GPC3: variants seen among roughly 807,000 people sequenced by gnomAD.
The protein encoded by GPC3 is glypican 3, also known as glypican-3.
GPC3 carries 3 observed loss-of-function variants against 34.4 expected under a neutral mutation model. The ratio of observed to expected loss-of-function variants is 0.09; its 90% CI spans 0.04 to 0.23. The LOEUF (loss-of-function observed/expected upper bound fraction) is 0.23. Ranked by LOEUF, GPC3 falls within the 10% of genes least tolerant of loss-of-function variation. GPC3 has a pLI of 1.00. For missense variants in GPC3, 351 were observed against 445.6 expected (o/e 0.79, Z 1.91); for synonymous variants, 177 against 174.0 (o/e 1.02, Z -0.13).
At chrX:133,635,088 A>T (rs1176246815) in intron 6 of GPC3, among the ~76,000 whole-genome samples, 1 of 111,516 alleles carries the variant, frequency 9.0e-6, no homozygotes, top group Non-Finnish European at 1.9e-5. Context: ...ACACTTTTTA[A>T]AATGAAATTC....
intron 2 of GPC3, among the ~76,000 whole-genome samples, chrX:133,925,935 T>C (rs2076272965): frequency 9.0e-6 from 1 of 111,259 alleles, no homozygotes; most frequent in Non-Finnish European, 1.9e-5. Flanking sequence ...ACATAAGAAC[T>C]AGCAACTAAA....
At chrX:133,699,865 T>C (rs1304536174) in intron 4 of GPC3, 30 bp downstream of exon 4, 3 of 1,170,024 alleles carry the variant, frequency 2.6e-6, no homozygotes, top group Non-Finnish European at 3.5e-6. Context: ...TTAATTGTAT[T>C]GTGGAATAAA....
At chrX:133,933,623 C>G (rs1175387443) in intron 2 of GPC3, among the ~76,000 whole-genome samples, 1 of 110,434 alleles carries the variant, frequency 9.1e-6, no homozygotes, top group South Asian at 3.9e-4. Flanking sequence ...TCCCTCATGG[C>G]TTGGTGCTGT....
chrX:133,655,500 A>C lies in GPC3; in HGVS notation c.1413+6230T>G, dbSNP rs754176500. Reference sequence around the variant, plus strand: ...CCCACACACACACACACACACACACACACACCCACACACACACACACACAC... The same window carrying C: ...CCCACACACACACACACACACACACCCACACCCACACACACACACACACAC... On this transcript the variant is annotated intron_variant, in intron 6 of 7. Transcript: ENST00000370818. Among the ~76,000 whole-genome samples, 209 of 107,415 alleles carry C rather than the reference A, an allele frequency of 1.9e-3. 1 individual carries two copies. The highest frequency in any genetic ancestry group is 7.0e-3 in the African/African-American group (200 of 28,469). The allele number at this position is 107,415 out of a possible 115,157, so 93.3% of individuals were successfully genotyped here.
intron 2 of GPC3, among the ~76,000 whole-genome samples, chrX:133,940,122 C>T (rs1213260347): frequency 9.0e-6 from 1 of 111,138 alleles, no homozygotes; most frequent in African/African-American, 3.3e-5. Context: ...GCCACCCTGC[C>T]ATAGAATACT....
intron 2 of GPC3, among the ~76,000 whole-genome samples, chrX:133,824,289 G>A (rs1341598990): frequency 1.8e-5 from 2 of 111,109 alleles, no homozygotes; most frequent in Non-Finnish European, 3.8e-5. Flanking sequence ...AAACTACAGG[G>A]TGTCTATAAG....
intron 5 of GPC3, among the ~76,000 whole-genome samples, chrX:133,671,695 A>G (rs1359521116): frequency 1.8e-5 from 2 of 111,471 alleles, no homozygotes; most frequent in Admixed American, 1.9e-4. Flanking sequence ...TTTTTATTAT[A>G]CTTTAAGTGT....
At chrX:133,761,293 CT>C in intron 2 of GPC3, among the ~76,000 whole-genome samples, 1 of 112,413 alleles carries the variant, frequency 8.9e-6, no homozygotes, top group Non-Finnish European at 1.9e-5. Context: ...ATTTTAAAAA[CT>C]AAATAATAGA....
At chrX:133,749,105 C>T (rs1436627581) in intron 3 of GPC3, among the ~76,000 whole-genome samples, 1 of 111,051 alleles carries the variant, frequency 9.0e-6, no homozygotes, top group Non-Finnish European at 1.9e-5. Flanking sequence ...AAAAAAAATA[C>T]AAAAAATTAG....
intron 2 of GPC3, among the ~76,000 whole-genome samples, chrX:133,917,997 T>C (rs1428686439): frequency 8.9e-6 from 1 of 112,375 alleles, no homozygotes; most frequent in Non-Finnish European, 1.9e-5. Context: ...AAAACGTAGG[T>C]GAAAAAGTGA....
chrX:133,943,966 C>A (rs1004652639), intron 2 of GPC3, among the ~76,000 whole-genome samples: 1 of 111,769 alleles, frequency 8.9e-6, no homozygotes, highest in African/African-American at 3.2e-5. Context: ...GAAGTAAATG[C>A]TGCAGGCAAC....
At chrX:133,657,940 A>AGAGAGAGAGG (rs2070681835) in intron 6 of GPC3, among the ~76,000 whole-genome samples, 1 of 95,142 alleles carries the variant, frequency 1.1e-5, no homozygotes, top group African/African-American at 5.2e-5. Flanking sequence ...GAGAGAGGAG[A>AGAGAGAGAGG]AGTATTTCTG....
chrX:133,808,660 G>T (rs1253292604), intron 2 of GPC3, among the ~76,000 whole-genome samples: 1 of 110,623 alleles, frequency 9.0e-6, no homozygotes, highest in African/African-American at 3.3e-5. Context: ...CTAGCTGTGA[G>T]ACTATGAGCA....
intron 7 of GPC3, among the ~76,000 whole-genome samples, chrX:133,562,224 G>C (rs367660422): frequency 1.4e-4 from 16 of 111,702 alleles, no homozygotes; most frequent in African/African-American, 5.2e-4. Flanking sequence ...AGGCGAAGGA[G>C]TCACGAGCAG....
intron 7 of GPC3, among the ~76,000 whole-genome samples, chrX:133,541,433 A>G (rs1394069083): frequency 8.9e-6 from 1 of 111,820 alleles, no homozygotes; most frequent in African/African-American, 3.2e-5. Context: ...GGTACATATT[A>G]TAAAATGCAC....
At chrX:133,929,189 T>C (rs1287354895) in intron 2 of GPC3, among the ~76,000 whole-genome samples, 1 of 112,229 alleles carries the variant, frequency 8.9e-6, no homozygotes, top group Non-Finnish European at 1.9e-5. Flanking sequence ...GCACCATTTA[T>C]TGAAAAGACT....
chrX:133,687,796 T>C lies in GPC3; in HGVS notation c.1292+4573A>G, dbSNP rs967727042. Among the ~76,000 whole-genome samples the C allele has an allele frequency of 2.7e-5, 3 of 111,712 alleles. 1 individual carries two copies. The Admixed American group carries it at 2.9e-4, about 11-fold the overall frequency. ...CACAAACTAGGGGTTTTTGAACATA[T>C]ATAGTTTAAACAGTTCCTGTGTTAT... On this transcript the variant is annotated intron_variant, in intron 5 of 7. Coordinates refer to ENST00000370818, the MANE Select transcript of GPC3 (RefSeq NM_004484.4).
intron 3 of GPC3, among the ~76,000 whole-genome samples, chrX:133,751,827 G>A (rs1391218993): frequency 2.7e-5 from 3 of 112,054 alleles, no homozygotes; most frequent in African/African-American, 9.7e-5. Context: ...GATCAGTAGA[G>A]TGTCTACAGT....
At chrX:133,732,778 T>G (rs2071473894) in intron 3 of GPC3, among the ~76,000 whole-genome samples, 1 of 112,188 alleles carries the variant, frequency 8.9e-6, no homozygotes, top group African/African-American at 3.2e-5. Context: ...CTCCATTCCC[T>G]GTGCAGCTTT....
Sources: allele counts gnomAD v4.1 joint callset (sites outside exome capture counted in the v4.1 genomes callset), GRCh38; gene constraint gnomAD v4.1.1; transcripts MANE v1.5; gene names NCBI Gene and HGNC (gene_info 2026-07-23, HGNC 2026-07-21).